The following TMEM132D variants were observed in gnomAD, a reference collection of about 807,000 sequenced individuals.
The protein encoded by TMEM132D is mature OL transmembrane protein.
Under a neutral mutation model 62.3 loss-of-function variants are expected in TMEM132D, and 21 were observed. That is an observed-to-expected ratio of 0.34 (90% CI 0.24 to 0.49). The LOEUF (loss-of-function observed/expected upper bound fraction) is 0.49. Among genes scored for constraint, TMEM132D ranks in the 20% least tolerant of loss-of-function variants. The pLI, the probability that TMEM132D is intolerant of heterozygous loss-of-function variation, is 0.99. For synonymous variants in TMEM132D, 621 were observed against 575.6 expected, an observed-to-expected ratio of 1.08 and a Z score of -1.13; for missense variants, 1,346 against 1,402.8, an observed-to-expected ratio of 0.96 and a Z score of 0.65.
chr12:129,144,591 C>T (rs576414111), intron 5 of TMEM132D, among the ~76,000 whole-genome samples: 7 of 152,316 alleles, frequency 4.6e-5, no homozygotes, highest in Admixed American at 6.5e-5. Flanking sequence ...AGCTGGGCTT[C>T]CAAATGACTG....
chr12:129,641,595 C>T (rs542574581), intron 2 of TMEM132D, among the ~76,000 whole-genome samples: 165 of 152,274 alleles, frequency 1.1e-3, no homozygotes, highest in African/African-American at 3.8e-3. Context: ...TCCAGAGACC[C>T]AACAGAAAAT....
intron 2 of TMEM132D, among the ~76,000 whole-genome samples, chr12:129,613,302 C>T (rs1878824747): frequency 6.6e-6 from 1 of 151,892 alleles, no homozygotes; most frequent in South Asian, 2.1e-4. Flanking sequence ...AGAGATAAAC[C>T]CCGAATTCCT....
intron 1 of TMEM132D, among the ~76,000 whole-genome samples, chr12:129,819,296 G>A (rs889588560): frequency 6.6e-6 from 1 of 152,090 alleles, no homozygotes; most frequent in Non-Finnish European, 1.5e-5. Context: ...GGATCAAAAG[G>A]AGCTACAAAG....
At chr12:129,620,509 G>A (rs904518190) in intron 2 of TMEM132D, among the ~76,000 whole-genome samples, 1 of 152,192 alleles carries the variant, frequency 6.6e-6, no homozygotes, top group Admixed American at 6.5e-5. Flanking sequence ...TGAAACTTGA[G>A]AATCACTTGA....
rs868246780 is a variant in TMEM132D at position 129,803,209 on chromosome 12, T to C, written c.79+100052A>G. Among the ~76,000 whole-genome samples the C allele has an allele frequency of 3.8e-4, 58 of 150,848 alleles. No homozygotes were observed. In the South Asian group the frequency reaches 4.7e-3, roughly 12 times the overall value. On this transcript the variant is annotated intron_variant, in intron 1 of 8. Transcript: ENST00000422113. ...CGGGCCTAATAGACATCTACAGAAC[T>C]CTCCACCCCAAATCAACAGAATATA...
intron 4 of TMEM132D, among the ~76,000 whole-genome samples, chr12:129,330,576 G>A (rs1869071454): frequency 6.6e-6 from 1 of 152,184 alleles, no homozygotes; most frequent in Non-Finnish European, 1.5e-5. Flanking sequence ...GGGTTATCAT[G>A]GGAGTGAGAC....
intron 5 of TMEM132D, among the ~76,000 whole-genome samples, chr12:129,193,262 G>A (rs1327317594): frequency 2.0e-5 from 3 of 152,028 alleles, no homozygotes; most frequent in African/African-American, 7.2e-5. Context: ...GAGGTTTTAA[G>A]GTGACATATG....
chr12:129,435,368 A>AT (rs1872761854), intron 3 of TMEM132D, among the ~76,000 whole-genome samples: 1 of 152,108 alleles, frequency 6.6e-6, no homozygotes, highest in Non-Finnish European at 1.5e-5. Context: ...CGGGCATACC[A>AT]TTTTTTAATT....
chr12:129,077,771 CACAT>C (rs1408451744), intron 8 of TMEM132D, among the ~76,000 whole-genome samples: 4 of 152,046 alleles, frequency 2.6e-5, no homozygotes, highest in Non-Finnish European at 4.4e-5. Context: ...ATTCACAACA[CACAT>C]ATATACATGC....
At chr12:129,712,256 C>T (rs1204065076) in intron 1 of TMEM132D, among the ~76,000 whole-genome samples, 2 of 152,086 alleles carry the variant, frequency 1.3e-5, no homozygotes, top group African/African-American at 2.4e-5. Flanking sequence ...TCCCAAGTAG[C>T]TGAAATTACA....
At chr12:129,185,679 GT>G (rs1363682142) in intron 5 of TMEM132D, among the ~76,000 whole-genome samples, 1 of 151,932 alleles carries the variant, frequency 6.6e-6, no homozygotes, top group Non-Finnish European at 1.5e-5. Context: ...AAATGTTAAA[GT>G]TTTATGTCCA....
At chr12:129,697,820 C>T (rs1037556154) in intron 2 of TMEM132D, among the ~76,000 whole-genome samples, 1 of 152,062 alleles carries the variant, frequency 6.6e-6, no homozygotes, top group African/African-American at 2.4e-5. Flanking sequence ...CACCCTTGGA[C>T]CCTAATGGAT....
At chr12:129,759,411 C>G (rs1451606051) in intron 1 of TMEM132D, among the ~76,000 whole-genome samples, 1 of 152,106 alleles carries the variant, frequency 6.6e-6, no homozygotes, top group Non-Finnish European at 1.5e-5. Flanking sequence ...ATCCAAAGGC[C>G]CTTTGAACTA....
intron 1 of TMEM132D, among the ~76,000 whole-genome samples, chr12:129,759,464 A>G (rs1390235558): frequency 6.6e-6 from 1 of 152,196 alleles, no homozygotes; most frequent in Non-Finnish European, 1.5e-5. Flanking sequence ...TGGCACTACA[A>G]TGCTAACGCT....
intron 3 of TMEM132D, among the ~76,000 whole-genome samples, chr12:129,366,782 G>A (rs749138120): frequency 2.0e-5 from 3 of 152,136 alleles, no homozygotes; most frequent in African/African-American, 4.8e-5. Context: ...TTCAACAGGA[G>A]GGGGCCGAGA....
intron 3 of TMEM132D, among the ~76,000 whole-genome samples, chr12:129,420,729 C>G (rs1055142191): frequency 8.5e-5 from 13 of 152,128 alleles, no homozygotes; most frequent in African/African-American, 3.1e-4. Context: ...TTGCTTCACT[C>G]TGAAATCTGT....
At chr12:129,480,280 G>C (rs1488100468) in intron 3 of TMEM132D, among the ~76,000 whole-genome samples, 2 of 152,212 alleles carry the variant, frequency 1.3e-5, no homozygotes, top group Non-Finnish European at 2.9e-5. Flanking sequence ...AGAAGGAACA[G>C]GGGAGCCATA....
chr12:129,673,738 C>A (rs1180229821), intron 2 of TMEM132D, among the ~76,000 whole-genome samples: 7 of 152,168 alleles, frequency 4.6e-5, no homozygotes, highest in African/African-American at 1.4e-4. Flanking sequence ...GAGCAATCTG[C>A]AATGTCCTGC....
chr12:129,659,729 T>A (rs2137190526), intron 2 of TMEM132D, among the ~76,000 whole-genome samples: 1 of 152,364 alleles, frequency 6.6e-6, no homozygotes, highest in Admixed American at 6.5e-5. Flanking sequence ...CACAGTGTGA[T>A]ATATTTTGTT....
Sources: gnomAD v4.1 joint callset for allele counts (sites outside exome capture counted in the v4.1 genomes callset) on GRCh38, gnomAD v4.1.1 for gene constraint, MANE v1.5 for transcripts, NCBI Gene and HGNC (gene_info 2026-07-23, HGNC 2026-07-21) for gene names.